Variants in CAMK4 observed in about 807,000 individuals in gnomAD.
CAMK4 encodes calcium/calmodulin dependent protein kinase IV, also known as calcium/calmodulin-dependent protein kinase type IV.
CAMK4 carries 22 observed loss-of-function variants against 44.9 expected under a neutral mutation model. The ratio of observed to expected loss-of-function variants is 0.49; its 90% confidence interval spans 0.35 to 0.70. The LOEUF (loss-of-function observed/expected upper bound fraction) is 0.70, where lower values mean the gene tolerates loss of function less well. Ranked by LOEUF, CAMK4 falls within the 30% of genes least tolerant of loss-of-function variation. The pLI, the probability that CAMK4 is intolerant of heterozygous loss-of-function variation, is 0.01. For synonymous variants in CAMK4, 218 were observed against 215.4 expected (o/e 1.01, Z -0.11); for missense variants, 498 against 586.8 (o/e 0.85, Z 1.56).
chr5:111,422,359 C>T (rs994250521), intron 5 of CAMK4, among the ~76,000 whole-genome samples: 33 of 152,268 alleles, frequency 2.2e-4, no homozygotes, highest in African/African-American at 7.0e-4. Flanking sequence ...AATAGTATTT[C>T]CCCATGTCAT....
intron 5 of CAMK4, among the ~76,000 whole-genome samples, chr5:111,423,848 C>G (rs749102976): frequency 2.0e-5 from 3 of 152,168 alleles, no homozygotes; most frequent in Non-Finnish European, 2.9e-5. Flanking sequence ...TATTAAGCAC[C>G]TACTGTGGAC....
intron 5 of CAMK4, among the ~76,000 whole-genome samples, chr5:111,423,634 A>G (rs1290009284): frequency 6.6e-6 from 1 of 152,234 alleles, no homozygotes; most frequent in Non-Finnish European, 1.5e-5. Context: ...CAGAAATACC[A>G]TCTTATTTTA....
intron 5 of CAMK4, among the ~76,000 whole-genome samples, chr5:111,409,199 A>G (rs1026826436): frequency 1.3e-5 from 2 of 152,190 alleles, no homozygotes; most frequent in Non-Finnish European, 2.9e-5. Flanking sequence ...TCCCTGCAGC[A>G]TACTTCTGCC....
chr5:111,400,514 A>G (rs307547), intron 5 of CAMK4, among the ~76,000 whole-genome samples: 82,140 of 151,898 alleles, frequency 0.54, 23,009 homozygotes, highest in African/African-American at 0.7. Flanking sequence ...ATATAATGAA[A>G]GTATAATTAT....
At chr5:111,286,209 C>T (rs986269934) in intron 1 of CAMK4, among the ~76,000 whole-genome samples, 5 of 152,148 alleles carry the variant, frequency 3.3e-5, no homozygotes, top group Non-Finnish European at 7.4e-5. Flanking sequence ...CATCTTATTT[C>T]ACCATCATAA....
chr5:111,236,781 A>T (rs902389196), intron 1 of CAMK4, among the ~76,000 whole-genome samples: 6 of 152,150 alleles, frequency 3.9e-5, no homozygotes, highest in Non-Finnish European at 8.8e-5. Flanking sequence ...CGTCTTCACC[A>T]CCAGAACATC....
intron 4 of CAMK4, among the ~76,000 whole-genome samples, chr5:111,380,516 A>C (rs983264776): frequency 2.6e-5 from 4 of 151,882 alleles, no homozygotes; most frequent in African/African-American, 9.7e-5. Flanking sequence ...CATTCTCCCA[A>C]TTTCCACCCT....
intron 2 of CAMK4, among the ~76,000 whole-genome samples, chr5:111,350,136 T>A (rs1021916281): frequency 6.6e-6 from 1 of 152,050 alleles, no homozygotes; most frequent in Non-Finnish European, 1.5e-5. Context: ...TCTCTCAATC[T>A]GTTTTTTCAT....
At chr5:111,246,355 T>C (rs1363238728) in intron 1 of CAMK4, among the ~76,000 whole-genome samples, 8 of 152,200 alleles carry the variant, frequency 5.3e-5, no homozygotes, top group Non-Finnish European at 1.0e-4. Flanking sequence ...TTTTATCAGT[T>C]AGGATGCTTT....
chr5:111,419,160 T>G (rs1040546287), intron 5 of CAMK4, among the ~76,000 whole-genome samples: 2 of 152,232 alleles, frequency 1.3e-5, no homozygotes, highest in Non-Finnish European at 2.9e-5. Context: ...TGGTATCTCA[T>G]TGTGGTTTTG....
At chr5:111,319,812 A>G (rs941213647) in intron 1 of CAMK4, among the ~76,000 whole-genome samples, 1 of 151,990 alleles carries the variant, frequency 6.6e-6, no homozygotes, top group African/African-American at 2.4e-5. Context: ...AAAATGTAAA[A>G]TGTGCCTATT....
intron 4 of CAMK4, among the ~76,000 whole-genome samples, chr5:111,388,475 G>A (rs568215608): frequency 2.4e-4 from 37 of 151,976 alleles, no homozygotes; most frequent in African/African-American, 8.4e-4. Flanking sequence ...TACCTATCCC[G>A]ACCCCCAACT....
intron 1 of CAMK4, among the ~76,000 whole-genome samples, chr5:111,276,045 T>C (rs1282500441): frequency 1.3e-5 from 2 of 152,194 alleles, no homozygotes; most frequent in African/African-American, 2.4e-5. Flanking sequence ...TATTAACTGA[T>C]CTGTGTCTGC....
rs139003683 is a variant in CAMK4, at chr5:111,485,226, A to C, written c.*760A>C. 15 of 152,192 alleles carry C rather than the reference A, an allele frequency of 9.9e-5. No homozygotes were observed. Among genetic ancestry groups the C allele is most frequent in the African/African-American group, 3.4e-4 (14 of 41,454 alleles). 9.4% of individuals were successfully genotyped at this position (152,192 alleles called of 1,614,324 possible). Reference sequence around the variant, plus strand: ...CAATAAGATGACTTTCTGATAGACAAAGCTTAGGGTGTAATAAACAGGGAA... The same window carrying C: ...CAATAAGATGACTTTCTGATAGACACAGCTTAGGGTGTAATAAACAGGGAA... On this transcript the variant is annotated 3_prime_UTR_variant, in exon 11 of 11. Transcript: ENST00000282356.
intron 5 of CAMK4, among the ~76,000 whole-genome samples, chr5:111,441,832 G>A (rs1238908209): frequency 6.6e-6 from 1 of 152,044 alleles, no homozygotes; most frequent in Non-Finnish European, 1.5e-5. Flanking sequence ...CCATGATTAG[G>A]TATTTCTTTG....
chr5:111,374,153 AG>A (rs1213967164), intron 2 of CAMK4, among the ~76,000 whole-genome samples: 3 of 152,282 alleles, frequency 2.0e-5, no homozygotes, highest in Admixed American at 1.3e-4. Flanking sequence ...AACTGAATCT[AG>A]GGGCTTAAAT....
At chr5:111,466,596 C>T (rs1373690093) in intron 7 of CAMK4, among the ~76,000 whole-genome samples, 2 of 152,108 alleles carry the variant, frequency 1.3e-5, no homozygotes, top group African/African-American at 4.8e-5. Flanking sequence ...ACCCCTTTTA[C>T]AATAGCAGCA....
intron 2 of CAMK4, among the ~76,000 whole-genome samples, chr5:111,346,479 A>AC (rs1749868300): frequency 1.7e-5 from 1 of 57,472 alleles, no homozygotes; most frequent in Non-Finnish European, 3.4e-5. Context: ...GAGGCTTGAA[A>AC]CTTTATCTAT....
At chr5:111,383,367 G>T (rs1333933709) in intron 4 of CAMK4, among the ~76,000 whole-genome samples, 1 of 152,218 alleles carries the variant, frequency 6.6e-6, no homozygotes, top group Non-Finnish European at 1.5e-5. Flanking sequence ...TAAGTTGGAA[G>T]ACACTGTTGG....
Sources: allele counts gnomAD v4.1 joint callset (sites outside exome capture counted in the v4.1 genomes callset), GRCh38; gene constraint gnomAD v4.1.1; transcripts MANE v1.5; gene names NCBI Gene and HGNC (gene_info 2026-07-23, HGNC 2026-07-21).